TAFA2: variants seen among roughly 807,000 people sequenced by gnomAD.
The protein encoded by TAFA2 is chemokine-like protein TAFA-2.
A neutral mutation model predicts 18.8 loss-of-function variants in TAFA2; 7 were observed. The observed-to-expected ratio is 0.37, with a 90% CI of 0.21 to 0.70. TAFA2 has a LOEUF of 0.70. Among genes scored for constraint, TAFA2 ranks in the 30% least tolerant of loss-of-function variants. TAFA2 has a pLI of 0.53. For missense variants in TAFA2, 122 were observed against 158.1 expected (o/e 0.77, Z 1.23); for synonymous variants, 60 against 54.2 (o/e 1.11, Z -0.47).
rs188542781 is a variant in TAFA2 at position 62,036,006 on chromosome 12, C to T, written c.-2+155253G>A. ...CCGCCCGTCTCGGCCTCCCAAAGTGCTGGGATTACAGGCGTGAGCCACCGC... is the reference window on the plus strand; with the variant it reads ...CCGCCCGTCTCGGCCTCCCAAAGTGTTGGGATTACAGGCGTGAGCCACCGC... On this transcript the variant is annotated intron_variant, in intron 1 of 4. Coordinates refer to ENST00000416284, the MANE Select transcript of TAFA2 (RefSeq NM_178539.5). Among the ~76,000 whole-genome samples, 89 of 152,074 alleles carry T rather than the reference C, an allele frequency of 5.9e-4. 1 individual carries two copies. Among genetic ancestry groups the T allele is most frequent in the African/African-American group, 2.1e-3 (87 of 41,510 alleles).
At chr12:62,140,081 A>G (rs1175899288) in intron 1 of TAFA2, 1 of 152,158 alleles carries the variant, frequency 6.6e-6, no homozygotes, top group Non-Finnish European at 1.5e-5. Context: ...TCCCCAGAGC[A>G]TGATGTGTTC....
chr12:62,102,159 G>T (rs1259716821), intron 1 of TAFA2, among the ~76,000 whole-genome samples: 1 of 152,114 alleles, frequency 6.6e-6, no homozygotes, highest in Non-Finnish European at 1.5e-5. Flanking sequence ...CTTGTGCTTT[G>T]TCCTCCCTTG....
chr12:62,121,496 G>C lies in TAFA2; in HGVS notation c.-2+69763C>G, dbSNP rs140052940. Among the ~76,000 whole-genome samples, 173 of 152,212 alleles carry C rather than the reference G, an allele frequency of 1.1e-3. 2 individuals carry two copies. Among genetic ancestry groups the C allele is most frequent in the South Asian group, 9.9e-3 (48 of 4,830 alleles). ...CCATGAATGCTGTCAGAAATTACAT[G>C]ATGTATGAGAGAGTATTTTTAAACT... On this transcript the variant is annotated intron_variant, in intron 1 of 4. Coordinates refer to ENST00000416284, the MANE Select transcript of TAFA2 (RefSeq NM_178539.5).
chr12:61,725,476 G>T (rs1478909098), intron 4 of TAFA2, among the ~76,000 whole-genome samples: 12 of 152,004 alleles, frequency 7.9e-5, no homozygotes, highest in Non-Finnish European at 1.6e-4. Context: ...TGGGAGATGA[G>T]GATCCAGCTT....
intron 1 of TAFA2, among the ~76,000 whole-genome samples, chr12:62,015,869 G>C (rs1015302293): frequency 1.3e-5 from 2 of 152,142 alleles, no homozygotes; most frequent in Non-Finnish European, 2.9e-5. Flanking sequence ...AAAGTAGAAT[G>C]GTGGTTGCCA....
At chr12:62,237,772 G>C (rs1185935267) in intron 1 of TAFA2, among the ~76,000 whole-genome samples, 1 of 152,164 alleles carries the variant, frequency 6.6e-6, no homozygotes. Context: ...TTAAGCCCCA[G>C]TTTGCTTCAG....
At chr12:61,836,420 C>G (rs1324132148) in intron 2 of TAFA2, among the ~76,000 whole-genome samples, 4 of 151,782 alleles carry the variant, frequency 2.6e-5, no homozygotes, top group African/African-American at 9.7e-5. Context: ...TTAGAGGATA[C>G]ATTATAAACT....
intron 1 of TAFA2, among the ~76,000 whole-genome samples, chr12:62,108,965 C>T (rs1295115751): frequency 2.6e-5 from 4 of 152,154 alleles, no homozygotes; most frequent in Non-Finnish European, 5.9e-5. Flanking sequence ...TTTTGCTATG[C>T]AGAAGCTCTT....
At chr12:61,938,149 C>G (rs547014511) in intron 1 of TAFA2, among the ~76,000 whole-genome samples, 1 of 135,810 alleles carries the variant, frequency 7.4e-6, no homozygotes, top group South Asian at 2.4e-4. Flanking sequence ...AGATAAAATA[C>G]AATAGATGTT....
chr12:61,787,280 C>G (rs1336734756), intron 2 of TAFA2, among the ~76,000 whole-genome samples: 2 of 151,484 alleles, frequency 1.3e-5, no homozygotes, highest in Non-Finnish European at 3.0e-5. Flanking sequence ...TCTTCTTCAC[C>G]ACCAGACTGA....
intron 1 of TAFA2, among the ~76,000 whole-genome samples, chr12:61,991,735 G>A (rs1274715611): frequency 6.6e-6 from 1 of 152,094 alleles, no homozygotes. Context: ...TGAACTTCCT[G>A]TTTTATTCTC....
chr12:61,918,712 G>GT (rs1876928553), intron 1 of TAFA2, among the ~76,000 whole-genome samples: 1 of 152,030 alleles, frequency 6.6e-6, no homozygotes, highest in Non-Finnish European at 1.5e-5. Flanking sequence ...TCTATTTTTA[G>GT]TTTTTTTGAG....
At chr12:61,851,774 C>CAAAAAAAAAAAAAAAAAAAA (rs55651727) in intron 2 of TAFA2, among the ~76,000 whole-genome samples, 1 of 14,502 alleles carries the variant, frequency 6.9e-5, no homozygotes, top group African/African-American at 1.5e-4. Flanking sequence ...GACTCCATCT[C>CAAAAAAAAAAAAAAAAAAAA]AAAAAAAAAA....
chr12:62,235,896 T>C (rs2062835002), intron 1 of TAFA2, among the ~76,000 whole-genome samples: 1 of 152,022 alleles, frequency 6.6e-6, no homozygotes, highest in African/African-American at 2.4e-5. Context: ...ATAGATTTTT[T>C]GCTTTGTTAT....
intron 1 of TAFA2, among the ~76,000 whole-genome samples, chr12:62,041,624 C>G (rs1410489398): frequency 1.3e-5 from 2 of 152,098 alleles, no homozygotes; most frequent in African/African-American, 4.8e-5. Context: ...AACTGGTCAT[C>G]TAGCTAAAGG....
intron 1 of TAFA2, among the ~76,000 whole-genome samples, chr12:62,212,329 C>T (rs2062717403): frequency 6.6e-6 from 1 of 151,680 alleles, no homozygotes; most frequent in Non-Finnish European, 1.5e-5. Context: ...CAAGAATCCA[C>T]CTATAAAGAG....
intron 1 of TAFA2, among the ~76,000 whole-genome samples, chr12:62,006,419 G>T (rs1880552536): frequency 6.6e-6 from 1 of 151,978 alleles, no homozygotes; most frequent in African/African-American, 2.4e-5. Context: ...AAATAGAGTA[G>T]CCTACAAATG....
chr12:61,815,924 G>C (rs1264662297), intron 2 of TAFA2, among the ~76,000 whole-genome samples: 1 of 151,244 alleles, frequency 6.6e-6, no homozygotes, highest in Admixed American at 6.6e-5. Context: ...GAAGGAGATA[G>C]ATAATAAACC....
intron 1 of TAFA2, among the ~76,000 whole-genome samples, chr12:61,927,939 G>A (rs565280582): frequency 6.6e-6 from 1 of 152,274 alleles, no homozygotes; most frequent in African/African-American, 2.4e-5. Context: ...AAATGGCGTT[G>A]GGAAAACTGG....
Sources: allele counts gnomAD v4.1 joint callset (sites outside exome capture counted in the v4.1 genomes callset), GRCh38; gene constraint gnomAD v4.1.1; transcripts MANE v1.5; gene names NCBI Gene and HGNC (gene_info 2026-07-23, HGNC 2026-07-21).